Variants in NCK2 observed in about 807,000 individuals in gnomAD.
NCK2 encodes cytoplasmic protein NCK2.
Under a neutral mutation model 33.9 loss-of-function variants are expected in NCK2, and 16 were observed. The observed-to-expected ratio is 0.47, with a 90% CI of 0.32 to 0.72. NCK2 has a LOEUF of 0.72. Among genes scored for constraint, NCK2 ranks in the 30% least tolerant of loss-of-function variants. The pLI, the probability that NCK2 is intolerant of heterozygous loss-of-function variation, is 0.03. For missense variants in NCK2, 418 were observed against 537.3 expected, an observed-to-expected ratio of 0.78 and a Z score of 2.19; for synonymous variants, 273 against 239.9, an observed-to-expected ratio of 1.14 and a Z score of -1.27.
chr2:105,844,184 C>G (rs1480262103), intron 2 of NCK2, among the ~76,000 whole-genome samples: 1 of 151,954 alleles, frequency 6.6e-6, no homozygotes, highest in Non-Finnish European at 1.5e-5. Context: ...CTGACCAATG[C>G]TCTTCAAAAA....
At chr2:105,746,862 G>A (rs1027512032) in intron 1 of NCK2, among the ~76,000 whole-genome samples, 7 of 152,200 alleles carry the variant, frequency 4.6e-5, no homozygotes, top group African/African-American at 1.7e-4. Flanking sequence ...GGCTGAAATG[G>A]AGAACTTTAG....
At chr2:105,749,076 C>A (rs553444943) in intron 1 of NCK2, among the ~76,000 whole-genome samples, 28 of 152,228 alleles carry the variant, frequency 1.8e-4, no homozygotes, top group Middle Eastern at 3.4e-3. Context: ...ACAACAACAA[C>A]AAAAAAACAA....
intron 1 of NCK2, among the ~76,000 whole-genome samples, chr2:105,765,743 G>C (rs1006790494): frequency 6.6e-6 from 1 of 151,452 alleles, no homozygotes; most frequent in Non-Finnish European, 1.5e-5. Flanking sequence ...TTTCACACCC[G>C]TAACAGGCAG....
intron 1 of NCK2, among the ~76,000 whole-genome samples, chr2:105,765,653 T>A: frequency 7.2e-6 from 1 of 138,956 alleles, no homozygotes; most frequent in East Asian, 2.3e-4. Context: ...GAGACAGAGG[T>A]AGTGGGTAGT....
At chr2:105,808,349 T>C (rs1278815788) in intron 1 of NCK2, among the ~76,000 whole-genome samples, 1 of 152,220 alleles carries the variant, frequency 6.6e-6, no homozygotes, top group African/African-American at 2.4e-5. Flanking sequence ...AAAAGGGCCA[T>C]GGACCCTGTA....
chr2:105,816,199 G>C (rs1031551182), intron 1 of NCK2, among the ~76,000 whole-genome samples: 9 of 152,182 alleles, frequency 5.9e-5, no homozygotes, highest in African/African-American at 2.2e-4. Flanking sequence ...CCAGCTAATG[G>C]GGAGACTTAG....
intron 2 of NCK2, among the ~76,000 whole-genome samples, chr2:105,819,204 T>C (rs756166469): frequency 5.3e-5 from 8 of 152,100 alleles, no homozygotes; most frequent in Non-Finnish European, 1.2e-4. Flanking sequence ...TCATAGGGCA[T>C]TCCCAGGTCT....
chr2:105,823,345 G>A (rs187018265), intron 2 of NCK2, among the ~76,000 whole-genome samples: 1 of 152,062 alleles, frequency 6.6e-6, no homozygotes, highest in Non-Finnish European at 1.5e-5. Context: ...CTGGTGGAGG[G>A]TGTGGGAGGG....
intron 4 of NCK2, among the ~76,000 whole-genome samples, chr2:105,887,882 G>A (rs946214468): frequency 2.6e-5 from 4 of 152,192 alleles, no homozygotes; most frequent in Non-Finnish European, 5.9e-5. Context: ...GCTCTCTACT[G>A]TTCTTTTCTA....
chr2:105,833,706 A>G (rs918817732), intron 2 of NCK2, among the ~76,000 whole-genome samples: 1 of 150,296 alleles, frequency 6.7e-6, no homozygotes, highest in African/African-American at 2.4e-5. Context: ...GGTCTTTATT[A>G]TTTCTTTCTA....
At chr2:105,813,930 A>T (rs1051114488) in intron 1 of NCK2, among the ~76,000 whole-genome samples, 4 of 152,358 alleles carry the variant, frequency 2.6e-5, no homozygotes, top group South Asian at 2.1e-4. Flanking sequence ...AGTGCTAGTG[A>T]AGTACTTTTA....
intron 1 of NCK2, among the ~76,000 whole-genome samples, chr2:105,790,843 C>T (rs893700640): frequency 1.3e-5 from 2 of 152,078 alleles, no homozygotes; most frequent in Non-Finnish European, 2.9e-5. Context: ...GAGCTGTGCC[C>T]GAAGAAGGAA....
At position 105,881,840 on chromosome 2, in the gene NCK2, G is replaced by A. The variant is rs954576405; in HGVS notation, c.739G>A (p.Val247Ile). Residue 247 changes from valine to isoleucine, a missense_variant, in exon 4 of 5, where the codon GTC (valine) becomes ATC (isoleucine). Physicochemically the swap from Val to Ile is conservative, Grantham distance 29 (BLOSUM62 3). Coordinates refer to ENST00000233154, the MANE Select transcript of NCK2 (RefSeq NM_003581.5). Reference protein sequence around the residue: ...CKNARGQVGLVPKNYVVVLSD... With the variant: ...CKNARGQVGLIPKNYVVVLSD... Reference sequence around the variant, plus strand: ...AAATGCCCGGGGCCAGGTGGGCCTCGTCCCCAAAAACTACGTGGTGGTCCT... The same window carrying A: ...AAATGCCCGGGGCCAGGTGGGCCTCATCCCCAAAAACTACGTGGTGGTCCT... 31 of 1,599,182 alleles carry A rather than the reference G, an allele frequency of 1.9e-5. No individual in the cohort carries two copies. Among genetic ancestry groups the A allele is most frequent in the Middle Eastern group, 1.7e-4 (1 of 5,984 alleles).
intron 1 of NCK2, among the ~76,000 whole-genome samples, chr2:105,755,732 TG>T (rs1412699880): frequency 1.3e-5 from 2 of 152,240 alleles, no homozygotes; most frequent in Admixed American, 1.3e-4. Context: ...GGTTCTCAGC[TG>T]GGGCAGTTTT....
chr2:105,837,599 T>C (rs1487254101), intron 2 of NCK2, among the ~76,000 whole-genome samples: 1 of 152,168 alleles, frequency 6.6e-6, no homozygotes, highest in African/African-American at 2.4e-5. Flanking sequence ...AGTGCAAGAG[T>C]TTCTGTACTG....
At chr2:105,818,424 G>A (rs13032105) in intron 2 of NCK2, among the ~76,000 whole-genome samples, 127,403 of 151,284 alleles carry the variant, frequency 0.84, 53,730 homozygotes, top group Middle Eastern at 0.88. Flanking sequence ...ACTTAAAAGT[G>A]TAATAAAAAT....
intron 2 of NCK2, among the ~76,000 whole-genome samples, chr2:105,842,764 G>C (rs1019756570): frequency 4.6e-5 from 7 of 152,190 alleles, no homozygotes; most frequent in Admixed American, 3.9e-4. Context: ...ACTGGGTTGG[G>C]GACAGTGAAT....
intron 1 of NCK2, among the ~76,000 whole-genome samples, chr2:105,747,821 T>C (rs1689336210): frequency 6.6e-6 from 1 of 152,222 alleles, no homozygotes; most frequent in South Asian, 2.1e-4. Context: ...GTGTATCTTG[T>C]TCCATGCCTG....
intron 1 of NCK2, among the ~76,000 whole-genome samples, chr2:105,795,397 C>G (rs1189694719): frequency 6.6e-6 from 1 of 152,022 alleles, no homozygotes; most frequent in African/African-American, 2.4e-5. Context: ...TATATTGTAA[C>G]TTAATCATGA....
Sources: gnomAD v4.1 joint callset for allele counts (sites outside exome capture counted in the v4.1 genomes callset) on GRCh38, gnomAD v4.1.1 for gene constraint, MANE v1.5 for transcripts, NCBI Gene and HGNC (gene_info 2026-07-23, HGNC 2026-07-21) for gene names.